DEPDC1B: variants seen among roughly 807,000 people sequenced by gnomAD.
The protein encoded by DEPDC1B is DEP domain containing 1B, also known as DEP domain-containing protein 1B.
A neutral mutation model predicts 66.5 loss-of-function variants in DEPDC1B; 51 were observed. The ratio of observed to expected loss-of-function variants is 0.77; its 90% CI spans 0.61 to 0.97. DEPDC1B has a LOEUF of 0.97. DEPDC1B is among the 50% of genes least tolerant of loss of function. The probability of loss-of-function intolerance (pLI) is 0.00; values close to 1 mark genes in which losing one functional copy is unlikely to be tolerated. For synonymous variants in DEPDC1B, 226 were observed against 223.6 expected, an observed-to-expected ratio of 1.01 and a Z score of -0.10; for missense variants, 552 against 637.1, an observed-to-expected ratio of 0.87 and a Z score of 1.44.
chr5:60,602,820 C>T (rs1332554064), intron 9 of DEPDC1B, among the ~76,000 whole-genome samples: 1 of 152,144 alleles, frequency 6.6e-6, no homozygotes, highest in Non-Finnish European at 1.5e-5. Context: ...AAGGGACTTG[C>T]CCAGAGTCAC....
At chr5:60,671,501 C>G (rs144493306) in intron 2 of DEPDC1B, among the ~76,000 whole-genome samples, 43 of 152,376 alleles carry the variant, frequency 2.8e-4, no homozygotes, top group African/African-American at 9.4e-4. Flanking sequence ...TAAGACTCCT[C>G]TAACAGCATC....
At chr5:60,606,455 T>C (rs894636350) in intron 7 of DEPDC1B, among the ~76,000 whole-genome samples, 2 of 151,888 alleles carry the variant, frequency 1.3e-5, no homozygotes, top group Admixed American at 6.6e-5. Flanking sequence ...TCCTTCCTCA[T>C]CTCAGGTATG....
chr5:60,603,358 A>C (rs1752239912), intron 9 of DEPDC1B, 33 bp downstream of exon 9: 5 of 1,474,890 alleles, frequency 3.4e-6, no homozygotes, highest in Non-Finnish European at 4.5e-6. Flanking sequence ...TATATTGCCA[A>C]TTTCATAGAA....
chr5:60,675,815 C>T (rs1584093201), intron 2 of DEPDC1B, among the ~76,000 whole-genome samples: 1 of 152,174 alleles, frequency 6.6e-6, no homozygotes, highest in African/African-American at 2.4e-5. Flanking sequence ...TCTATTCTGT[C>T]CCTATTATTC....
Position 60,599,152 on chromosome 5 carries a change from G to A in DEPDC1B, c.1351C>T (p.Pro451Ser). The A allele has an allele frequency of 6.2e-7, 1 of 1,613,422 alleles. No individual in the cohort carries two copies. Among genetic ancestry groups the A allele is most frequent in the South Asian group, 1.1e-5 (1 of 90,998 alleles). The change falls in exon 10 of 11, where the codon CCT becomes TCT. Residue 451 changes from proline (P) to serine (S), a missense_variant. Transcript: ENST00000265036. The stretch of plus-strand genomic sequence containing the variant: ...ACTTCCTCCAACAAGGCTGCCAGAG[G>A]TTCCTGAGAGCCATATGATCTTTGA... ...EYQRSYGSQE[P>S]LAALLEEVIT...
At chr5:60,686,126 T>C (rs1754407888) in intron 2 of DEPDC1B, among the ~76,000 whole-genome samples, 1 of 152,248 alleles carries the variant, frequency 6.6e-6, no homozygotes, top group African/African-American at 2.4e-5. Flanking sequence ...CCAGGTTGTC[T>C]CTGTGCAAAG....
chr5:60,647,255 C>A, intron 3 of DEPDC1B, 143 bp downstream of exon 3: 1 of 954,724 alleles, frequency 1.0e-6, no homozygotes, highest in Non-Finnish European at 1.5e-6. Flanking sequence ...TGTTACTGGT[C>A]TCCCAGCTGT....
chr5:60,665,261 T>A (rs1753811630), intron 2 of DEPDC1B, among the ~76,000 whole-genome samples: 1 of 152,178 alleles, frequency 6.6e-6, no homozygotes, highest in Non-Finnish European at 1.5e-5. Flanking sequence ...TCACCAGACC[T>A]TTCACTTAGG....
At chr5:60,637,746 T>A (rs540629751) in intron 7 of DEPDC1B, among the ~76,000 whole-genome samples, 2 of 152,366 alleles carry the variant, frequency 1.3e-5, no homozygotes, top group East Asian at 1.9e-4. Context: ...GTTCCAATGT[T>A]GTTCTGTGGG....
At chr5:60,665,385 A>G (rs1753814299) in intron 2 of DEPDC1B, among the ~76,000 whole-genome samples, 1 of 152,158 alleles carries the variant, frequency 6.6e-6, no homozygotes, top group African/African-American at 2.4e-5. Context: ...AATCCCCTGC[A>G]CTTCAGGCTA....
intron 1 of DEPDC1B, among the ~76,000 whole-genome samples, chr5:60,687,559 C>T (rs1033772346): frequency 6.6e-6 from 1 of 151,332 alleles, no homozygotes; most frequent in Admixed American, 6.6e-5. Flanking sequence ...TAGAGTCTAG[C>T]TTTGTCGCCC....
At chr5:60,627,938 A>G (rs1752839611) in intron 7 of DEPDC1B, among the ~76,000 whole-genome samples, 1 of 152,206 alleles carries the variant, frequency 6.6e-6, no homozygotes, top group African/African-American at 2.4e-5. Flanking sequence ...TTGTCAAAGT[A>G]GGTACAATCA....
intron 7 of DEPDC1B, among the ~76,000 whole-genome samples, chr5:60,615,508 C>G (rs188386340): frequency 6.6e-6 from 1 of 152,236 alleles, no homozygotes; most frequent in African/African-American, 2.4e-5. Context: ...TATCCCGTGC[C>G]TGGCTCGGAG....
At chr5:60,664,383 A>G (rs894692905) in intron 2 of DEPDC1B, among the ~76,000 whole-genome samples, 4 of 152,204 alleles carry the variant, frequency 2.6e-5, no homozygotes, top group South Asian at 2.1e-4. Context: ...TGGCCATCTC[A>G]TAATGTGAAC....
rs869142199 is a variant in DEPDC1B, at chr5:60,604,218, CTTTTT to C, written c.1066-656_1066-652del. Reference sequence around the variant, plus strand: ...TTCCATAGAATTGAAATTAACTATTCTTTTTTTTTTTTTTTTTTTTTTTACGGAGT... The same window carrying C: ...TTCCATAGAATTGAAATTAACTATTCTTTTTTTTTTTTTTTTTTACGGAGT... On this transcript the variant is annotated intron_variant, in intron 8 of 10. Coordinates refer to ENST00000265036, the MANE Select transcript of DEPDC1B (RefSeq NM_018369.3). Among the ~76,000 whole-genome samples, 10 of 68,972 alleles carry C rather than the reference CTTTTT, an allele frequency of 1.4e-4. 1 individual carries two copies. The highest frequency in any genetic ancestry group is 2.0e-4 in the Non-Finnish European group (7 of 35,540). The allele number at this position is 68,972 out of a possible 152,430, so 45.2% of individuals were successfully genotyped here.
chr5:60,603,913 A>G (rs1171037131), intron 8 of DEPDC1B, among the ~76,000 whole-genome samples: 3 of 151,628 alleles, frequency 2.0e-5, no homozygotes, highest in Non-Finnish European at 4.4e-5. Flanking sequence ...CATGACTTGA[A>G]TCATGTAGCA....
intron 10 of DEPDC1B, among the ~76,000 whole-genome samples, 170 bp from the exon 11 acceptor site, chr5:60,598,084 A>G (rs896048453): frequency 2.0e-5 from 3 of 152,146 alleles, no homozygotes; most frequent in Admixed American, 2.0e-4. Context: ...CCTTTGATCT[A>G]AGCTTCAAAT....
At chr5:60,610,078 AG>A (rs1250211538) in intron 7 of DEPDC1B, among the ~76,000 whole-genome samples, 12 of 152,188 alleles carry the variant, frequency 7.9e-5, no homozygotes, top group African/African-American at 2.9e-4. Context: ...TCCCATGGCT[AG>A]AAAAATACCT....
intron 3 of DEPDC1B, among the ~76,000 whole-genome samples, chr5:60,646,771 G>A (rs1428557678): frequency 1.3e-5 from 2 of 152,198 alleles, no homozygotes; most frequent in Admixed American, 1.3e-4. Flanking sequence ...GCTCCCTGTT[G>A]TTCACATACT....
Sources: allele counts gnomAD v4.1 joint callset (sites outside exome capture counted in the v4.1 genomes callset), GRCh38; gene constraint gnomAD v4.1.1; transcripts MANE v1.5; gene names NCBI Gene and HGNC (gene_info 2026-07-23, HGNC 2026-07-21).